The following RIN3 variants were observed in gnomAD, a reference collection of about 807,000 sequenced individuals.
The protein encoded by RIN3 is RAB5 interacting protein 3.
RIN3 carries 54 observed loss-of-function variants against 76.3 expected under a neutral mutation model. The ratio of observed to expected loss-of-function variants is 0.71; its 90% CI spans 0.57 to 0.89. RIN3 has a LOEUF of 0.89. RIN3 is among the 40% of genes least tolerant of loss of function. RIN3 has a pLI of 0.00. For synonymous variants in RIN3, 576 were observed against 564.0 expected, an observed-to-expected ratio of 1.02 and a Z score of -0.30; for missense variants, 1,256 against 1,322.1, an observed-to-expected ratio of 0.95 and a Z score of 0.78.
intron 1 of RIN3, among the ~76,000 whole-genome samples, chr14:92,544,597 A>G (rs917938816): frequency 5.3e-5 from 8 of 152,210 alleles, no homozygotes; most frequent in Non-Finnish European, 8.8e-5. Context: ...TCATGGGGAC[A>G]GGGCACTGGC....
At chr14:92,686,526 A>T (rs1595512410) in intron 9 of RIN3, 1 of 151,764 alleles carries the variant, frequency 6.6e-6, no homozygotes, top group African/African-American at 2.4e-5. Flanking sequence ...CCCTCCCAAC[A>T]CCCCGGACTC....
At position 92,676,463 on chromosome 14, in the gene RIN3, T is replaced by C. The variant is rs765465445; in HGVS notation, c.2336-12T>C. The stretch of plus-strand genomic sequence containing the variant: ...TGGAACTCATCTCCCTCTGCCTCCT[T>C]CTTCTTCCCAGGGAAGCCCTATGGG... On this transcript the variant is annotated splice_polypyrimidine_tract_variant and intron_variant, in intron 7 of 9. Transcript: ENST00000216487. 2.1e-5 allele frequency: 34 copies of C among 1,612,120 alleles called. No individual in the cohort carries two copies. The highest frequency in any genetic ancestry group is 1.6e-4 in the Middle Eastern group (1 of 6,072).
At chr14:92,647,643 G>A (rs1487858333) in intron 5 of RIN3, among the ~76,000 whole-genome samples, 4 of 152,188 alleles carry the variant, frequency 2.6e-5, no homozygotes, top group African/African-American at 9.6e-5. Context: ...GATGCCACAT[G>A]AATATTTATT....
chr14:92,659,591 T>G (rs1417237543), intron 7 of RIN3, 122 bp downstream of exon 7: 11 of 928,202 alleles, frequency 1.2e-5, no homozygotes, highest in Non-Finnish European at 1.6e-5. Context: ...CAGAGCCCCC[T>G]TGGGGAGGAA....
intron 1 of RIN3, among the ~76,000 whole-genome samples, chr14:92,550,061 C>A (rs890578624): frequency 7.2e-5 from 11 of 152,170 alleles, no homozygotes; most frequent in Non-Finnish European, 1.0e-4. Context: ...CGGTTCCTGG[C>A]AGTTGGAGCT....
intron 4 of RIN3, among the ~76,000 whole-genome samples, chr14:92,635,270 C>G (rs1476772142): frequency 2.0e-5 from 3 of 152,296 alleles, no homozygotes; most frequent in African/African-American, 7.2e-5. Context: ...GGCAATTTGC[C>G]CAGGCTCCAC....
rs1887498334 is a variant in RIN3, at chr14:92,652,515, C to T, written c.1466C>T (p.Ala489Val). ...ENAELCTQAM[A>V]LETPTPGPPR... ...GCTGAGCTCTGCACACAGGCGATGG[C>T]CTTGGAGACACCCACGCCGGGTCCA... Residue 489 changes from alanine (A) to valine (V), a missense_variant, in exon 6 of 10, where the codon GCC (alanine) becomes GTC (valine). Around this residue, in one of 3 missense-constraint regions of RIN3, gnomAD observed 428 missense variants for 521.2 expected, o/e 0.82. Transcript: ENST00000216487. The surrounding 1 kb of genome is among the most constrained non-coding windows in gnomAD (Gnocchi z 6.4). 1 of 1,613,952 alleles carries T rather than the reference C, an allele frequency of 6.2e-7. No individual in the cohort carries two copies. Among genetic ancestry groups the T allele is most frequent in the African/African-American group, 1.3e-5 (1 of 75,038 alleles).
At chr14:92,541,890 G>A (rs1897138877) in intron 1 of RIN3, among the ~76,000 whole-genome samples, 1 of 152,174 alleles carries the variant, frequency 6.6e-6, no homozygotes, top group Admixed American at 6.5e-5. Context: ...TATCTGATAA[G>A]GGGCTTATAT....
intron 1 of RIN3, among the ~76,000 whole-genome samples, chr14:92,525,165 C>T (rs1896697194): frequency 6.6e-6 from 1 of 152,154 alleles, no homozygotes; most frequent in East Asian, 1.9e-4. Flanking sequence ...GGCCTGCACC[C>T]ATGGGCAGCA....
At chr14:92,612,918 T>G (rs1885800431) in intron 3 of RIN3, among the ~76,000 whole-genome samples, 1 of 152,160 alleles carries the variant, frequency 6.6e-6, no homozygotes, top group Non-Finnish European at 1.5e-5. Context: ...TACCAAAGCC[T>G]TGTAAGGATG....
chr14:92,674,624 C>T (rs1888397163), intron 7 of RIN3, among the ~76,000 whole-genome samples: 1 of 152,060 alleles, frequency 6.6e-6, no homozygotes, highest in African/African-American at 2.4e-5. Context: ...CGCTGTGGCT[C>T]ACACCTGTAA....
intron 1 of RIN3, among the ~76,000 whole-genome samples, chr14:92,516,680 G>A (rs1896452719): frequency 6.6e-6 from 1 of 152,054 alleles, no homozygotes. Flanking sequence ...CAAGGGGCTG[G>A]GGGTGCAGGG....
At chr14:92,644,190 A>G (rs542403381) in intron 5 of RIN3, among the ~76,000 whole-genome samples, 2 of 152,062 alleles carry the variant, frequency 1.3e-5, no homozygotes, top group African/African-American at 4.8e-5. Flanking sequence ...GCACCTCCCC[A>G]CCTTCTCTGT....
chr14:92,624,991 T>A (rs531065314), intron 4 of RIN3, among the ~76,000 whole-genome samples: 1 of 152,118 alleles, frequency 6.6e-6, no homozygotes, highest in Admixed American at 6.5e-5. Context: ...GAGGCCGTAG[T>A]CTCCGGGCCG....
intron 1 of RIN3, among the ~76,000 whole-genome samples, chr14:92,516,438 G>A (rs1370061427): frequency 6.6e-6 from 1 of 152,202 alleles, no homozygotes; most frequent in East Asian, 1.9e-4. Context: ...TGGATTCAGG[G>A]TGTGAGCTCG....
chr14:92,605,244 C>T (rs141934666), intron 3 of RIN3, among the ~76,000 whole-genome samples: 1 of 152,286 alleles, frequency 6.6e-6, no homozygotes, highest in East Asian at 1.9e-4. Context: ...ACTATGAGCA[C>T]AATAAGTCCT....
At chr14:92,530,654 A>C (rs1896858813) in intron 1 of RIN3, among the ~76,000 whole-genome samples, 1 of 150,198 alleles carries the variant, frequency 6.7e-6, no homozygotes, top group Non-Finnish European at 1.5e-5. Context: ...CGGTGGATTC[A>C]GCCACCTGAA....
chr14:92,659,855 C>G (rs1398347053), intron 7 of RIN3, among the ~76,000 whole-genome samples: 2 of 152,206 alleles, frequency 1.3e-5, no homozygotes, highest in Non-Finnish European at 2.9e-5. Flanking sequence ...AAGGTGTGGG[C>G]ATGGCTGTGC....
intron 3 of RIN3, among the ~76,000 whole-genome samples, chr14:92,596,697 C>T (rs1188169684): frequency 6.6e-6 from 1 of 152,132 alleles, no homozygotes; most frequent in Non-Finnish European, 1.5e-5. Flanking sequence ...AGTATATTAA[C>T]GTGCTTTATG....
Sources: gnomAD v4.1 joint callset for allele counts (sites outside exome capture counted in the v4.1 genomes callset) on GRCh38, gnomAD v4.1.1 for gene constraint, gnomAD v4.1.1 regional missense constraint, Gnocchi (gnomAD v3.1) non-coding constraint, MANE v1.5 for transcripts, NCBI Gene and HGNC (gene_info 2026-07-23, HGNC 2026-07-21) for gene names.